Variants in CDH18 observed in about 807,000 individuals in gnomAD.
The protein encoded by CDH18 is cadherin-18.
A neutral mutation model predicts 67.9 loss-of-function variants in CDH18; 31 were observed. The ratio of observed to expected loss-of-function variants is 0.46; its 90% confidence interval spans 0.34 to 0.62. The LOEUF (loss-of-function observed/expected upper bound fraction) is 0.62, where lower values mean the gene tolerates loss of function less well. Among genes scored for constraint, CDH18 ranks in the 20% least tolerant of loss-of-function variants. The pLI is 0.01. For synonymous variants in CDH18, 362 were observed against 347.2 expected, an observed-to-expected ratio of 1.04 and a Z score of -0.48; for missense variants, 890 against 975.5, an observed-to-expected ratio of 0.91 and a Z score of 1.17.
At chr5:19,810,306 G>A (rs755942222) in intron 3 of CDH18, among the ~76,000 whole-genome samples, 10 of 152,008 alleles carry the variant, frequency 6.6e-5, no homozygotes, top group Non-Finnish European at 1.2e-4. Context: ...ACCTCAGCCT[G>A]GGTGACAGAG....
chr5:20,003,164 C>T (rs1405364084), intron 2 of CDH18, among the ~76,000 whole-genome samples: 1 of 152,008 alleles, frequency 6.6e-6, no homozygotes, highest in East Asian at 1.9e-4. Flanking sequence ...GTATTAAAAC[C>T]AGTTAGGAGA....
chr5:20,249,427 G>C (rs2126587528), intron 2 of CDH18, among the ~76,000 whole-genome samples: 1 of 136,850 alleles, frequency 7.3e-6, no homozygotes, highest in South Asian at 2.3e-4. Context: ...CTGTCGCCCA[G>C]GCTGCAGTTC....
intron 1 of CDH18, among the ~76,000 whole-genome samples, chr5:20,494,425 G>A (rs1454409781): frequency 6.6e-6 from 1 of 151,822 alleles, no homozygotes; most frequent in African/African-American, 2.4e-5. Context: ...TAAAAAATGT[G>A]GGAAGAGGAC....
intron 2 of CDH18, among the ~76,000 whole-genome samples, chr5:20,012,072 CTTT>C (rs914178366): frequency 6.6e-6 from 1 of 150,464 alleles, no homozygotes; most frequent in African/African-American, 2.4e-5. Flanking sequence ...TGGTCCTGGG[CTTT>C]TTTTTTGTTT....
intron 10 of CDH18, among the ~76,000 whole-genome samples, chr5:19,518,008 T>A (rs1460522290): frequency 6.6e-6 from 1 of 151,986 alleles, no homozygotes; most frequent in African/African-American, 2.4e-5. Context: ...TTTCATCAAC[T>A]GTGCTTTTAT....
At chr5:19,693,189 A>G (rs1762122148) in intron 5 of CDH18, among the ~76,000 whole-genome samples, 1 of 152,156 alleles carries the variant, frequency 6.6e-6, no homozygotes, top group African/African-American at 2.4e-5. Context: ...TGGGATCTAA[A>G]AAAAGCTGAT....
intron 2 of CDH18, among the ~76,000 whole-genome samples, chr5:20,075,413 T>TA (rs1743841981): frequency 6.6e-6 from 1 of 151,960 alleles, no homozygotes; most frequent in South Asian, 2.1e-4. Context: ...TGAGACAGGA[T>TA]AATAGCTCAA....
At position 20,497,254 on chromosome 5, in the gene CDH18, A is replaced by G. The variant is rs547975023; in HGVS notation, c.-580+78208T>C. Among the ~76,000 whole-genome samples, 8 of 152,284 alleles carry G rather than the reference A, an allele frequency of 5.3e-5. No individual in the cohort carries two copies. The East Asian group carries it at 1.5e-3, about 29-fold the overall frequency. ...CTTGAAAGAGCTTTGAATTTCTCTT[A>G]TAGTTCTTGTCAAAGAATTAACTAA... is the stretch of plus-strand genomic sequence containing the variant. On this transcript the variant is annotated intron_variant, in intron 1 of 14. Transcript: ENST00000507958.
At chr5:20,465,226 A>G (rs963061313) in intron 1 of CDH18, among the ~76,000 whole-genome samples, 3 of 151,674 alleles carry the variant, frequency 2.0e-5, no homozygotes, top group African/African-American at 7.2e-5. Context: ...GAGAAGACTG[A>G]AAATAAAATG....
chr5:19,670,145 A>C, intron 5 of CDH18, among the ~76,000 whole-genome samples: 1 of 152,152 alleles, frequency 6.6e-6, no homozygotes, highest in East Asian at 1.9e-4. Context: ...TTTTGTGCAT[A>C]GAACTAGCAG....
intron 2 of CDH18, among the ~76,000 whole-genome samples, chr5:19,865,136 A>G (rs1785344981): frequency 6.6e-6 from 1 of 152,106 alleles, no homozygotes; most frequent in Admixed American, 6.6e-5. Flanking sequence ...TCGCTTTACA[A>G]AATAAACCGT....
chr5:19,712,905 A>G (rs910310059), intron 5 of CDH18, among the ~76,000 whole-genome samples: 6 of 151,802 alleles, frequency 4.0e-5, no homozygotes, highest in African/African-American at 1.4e-4. Context: ...AAATGACCTC[A>G]GAATAAATTT....
intron 1 of CDH18, among the ~76,000 whole-genome samples, chr5:20,452,742 G>A (rs183687305): frequency 1.3e-5 from 2 of 151,930 alleles, no homozygotes; most frequent in East Asian, 1.9e-4. Flanking sequence ...ACTTGCACAC[G>A]TACCCCTAAA....
chr5:20,303,073 T>A (rs1339941443), intron 1 of CDH18, among the ~76,000 whole-genome samples: 3 of 152,110 alleles, frequency 2.0e-5, no homozygotes, highest in Non-Finnish European at 4.4e-5. Context: ...TACACACGAT[T>A]TTCTCTTTCA....
At chr5:20,454,338 AT>A (rs150384243) in intron 1 of CDH18, among the ~76,000 whole-genome samples, 11 of 151,924 alleles carry the variant, frequency 7.2e-5, no homozygotes, top group African/African-American at 2.7e-4. Context: ...CATAACTTTC[AT>A]TTTTTTTCAG....
intron 2 of CDH18, among the ~76,000 whole-genome samples, chr5:20,247,600 T>C (rs1224402286): frequency 1.3e-5 from 2 of 151,580 alleles, no homozygotes; most frequent in Non-Finnish European, 2.9e-5. Flanking sequence ...CCCGTCTCTA[T>C]TAAAAACAGA....
chr5:20,187,071 T>C (rs2126704306), intron 2 of CDH18, among the ~76,000 whole-genome samples: 1 of 151,984 alleles, frequency 6.6e-6, no homozygotes, highest in South Asian at 2.1e-4. Context: ...ATTTTAATTA[T>C]AAGGAACTTA....
chr5:19,562,532 A>G (rs1282956384), intron 8 of CDH18, among the ~76,000 whole-genome samples: 3 of 152,298 alleles, frequency 2.0e-5, no homozygotes, highest in South Asian at 2.1e-4. Flanking sequence ...CAAGGTCACA[A>G]TAAATCTCTG....
At chr5:20,151,229 T>C (rs1254537353) in intron 2 of CDH18, among the ~76,000 whole-genome samples, 1 of 152,066 alleles carries the variant, frequency 6.6e-6, no homozygotes, top group Non-Finnish European at 1.5e-5. Flanking sequence ...ATTAGTAAGA[T>C]CATGTGGTAT....
Sources: allele counts gnomAD v4.1 joint callset (sites outside exome capture counted in the v4.1 genomes callset), GRCh38; gene constraint gnomAD v4.1.1; transcripts MANE v1.5; gene names NCBI Gene and HGNC (gene_info 2026-07-23, HGNC 2026-07-21).